BMP1: variants seen among roughly 807,000 people sequenced by gnomAD.
BMP1 encodes bone morphogenetic protein 1, also known as mammalian tolloid protein.
In BMP1, 63 loss-of-function variants were observed where a neutral mutation model predicts 116.8. The ratio of observed to expected loss-of-function variants is 0.54; its 90% confidence interval spans 0.44 to 0.67. The LOEUF (loss-of-function observed/expected upper bound fraction) is 0.67. Ranked by LOEUF, BMP1 falls within the 30% of genes least tolerant of loss-of-function variation. The pLI, the probability that BMP1 is intolerant of heterozygous loss-of-function variation, is 0.00. For missense variants in BMP1, 1,183 were observed against 1,358.9 expected, an observed-to-expected ratio of 0.87 and a Z score of 2.04; for synonymous variants, 536 against 533.4, an observed-to-expected ratio of 1.00 and a Z score of -0.07.
At chr8:22,201,229 T>C in intron 15 of BMP1, 1 of 1,600,162 alleles carries the variant, frequency 6.2e-7, no homozygotes, top group Non-Finnish European at 8.5e-7. Context: ...CCGGACCCCT[T>C]GTTACTCAGG....
At position 22,206,872 on chromosome 8, in the gene BMP1, T is replaced by A. The variant is rs1482304346; in HGVS notation, c.2252T>A (p.Val751Glu). The change falls in exon 17 of 20, where the codon GTG becomes GAG. Residue 751 changes from valine to glutamate, a missense_variant. Val to Glu is a moderately radical substitution (Grantham distance 121). Coordinates refer to ENST00000306385, the MANE Select transcript of BMP1 (RefSeq NM_006129.5). ...DCKEAGCDHK[V>E]TSTSGTITSP... ...CCTGCAGCCGGCTGTGACCACAAGG[T>A]GACATCCACCAGTGGTACCATCACC... 1 of 1,613,974 alleles carries A rather than the reference T, an allele frequency of 6.2e-7. No homozygotes were observed. Among genetic ancestry groups the A allele is most frequent in the Non-Finnish European group, 8.5e-7 (1 of 1,179,998 alleles).
chr8:22,201,964 G>A, intron 16 of BMP1, 36 bp downstream of exon 16: 1 of 1,587,178 alleles, frequency 6.3e-7, no homozygotes, highest in Non-Finnish European at 8.6e-7. Context: ...TGGGCTTGAA[G>A]GACCTGCTGC....
At chr8:22,188,788 G>A (rs538634788) in intron 8 of BMP1, among the ~76,000 whole-genome samples, 8 of 152,266 alleles carry the variant, frequency 5.3e-5, no homozygotes, top group Admixed American at 3.9e-4. Context: ...GGGTTCTGCC[G>A]GCTGGGCGTG....
rs758697565 is a variant in BMP1 at position 22,177,947 on chromosome 8, AC to A, written c.827del (p.Thr276AsnfsTer17). The stretch of plus-strand genomic sequence containing the variant: ...CAGCATCATGCATTACGCTCGGAAC[AC>A]ATTCTCCAGGTGGGAGACGGGATTG... ...FDSIMHYARN[T>X]FSRGIFLDTI... is the part of the protein sequence containing the mutation. On this transcript the variant is annotated frameshift_variant, in exon 6 of 20. Coordinates refer to ENST00000306385, the MANE Select transcript of BMP1 (RefSeq NM_006129.5). LOFTEE classifies it high-confidence loss of function. The A allele has an allele frequency of 6.2e-7, 1 of 1,609,274 alleles. No individual in the cohort carries two copies. The highest frequency in any genetic ancestry group is 8.5e-7 in the Non-Finnish European group (1 of 1,176,392).
Position 22,194,025 on chromosome 8 carries a change from T to C in BMP1, c.1181-33T>C. On this transcript the variant is annotated intron_variant, in intron 9 of 19. Transcript: ENST00000306385. The surrounding 1 kb of genome is among the most constrained non-coding windows in gnomAD (Gnocchi z 4.5). The stretch of plus-strand genomic sequence containing the variant: ...GCCTCTATAGGGGGTGTCCTCAGGG[T>C]TCACCACTCTTCCATCCACACTGTC... The C allele has an allele frequency of 6.4e-7, 1 of 1,574,722 alleles. No homozygotes were observed. Among genetic ancestry groups the C allele is most frequent in the Non-Finnish European group, 8.7e-7 (1 of 1,144,374 alleles).
intron 18 of BMP1, among the ~76,000 whole-genome samples, chr8:22,209,220 G>A (rs540515012): frequency 2.4e-4 from 37 of 152,282 alleles, no homozygotes; most frequent in African/African-American, 8.2e-4. Context: ...TCTTCCTCTC[G>A]GTGAGCCTCA....
Position 22,194,028 on chromosome 8 carries a change from A to G in BMP1, c.1181-30A>G, listed in dbSNP as rs908047943. On this transcript the variant is annotated intron_variant, in intron 9 of 19. Coordinates refer to ENST00000306385, the MANE Select transcript of BMP1 (RefSeq NM_006129.5). This position sits in a 1 kb window ranked among gnomAD's most constrained non-coding sequence, Gnocchi z 4.5. ...TCTATAGGGGGTGTCCTCAGGGTTCACCACTCTTCCATCCACACTGTCTGT... is the reference window on the plus strand; with the variant it reads ...TCTATAGGGGGTGTCCTCAGGGTTCGCCACTCTTCCATCCACACTGTCTGT... 1.3e-6 allele frequency: 2 copies of G among 1,590,472 alleles called. No homozygotes were observed. Among genetic ancestry groups the G allele is most frequent in the African/African-American group, 1.3e-5 (1 of 74,350 alleles).
chr8:22,179,664 T>C lies in BMP1; in HGVS notation c.837-41T>C. ...CATGCCACCCACTCCCTGCCCACTG[T>C]CCATGAGACGCTCACCCTTACTTTT... On this transcript the variant is annotated intron_variant, in intron 6 of 19. Transcript: ENST00000306385. This position sits in a 1 kb window ranked among gnomAD's most constrained non-coding sequence, Gnocchi z 4.6. 1.2e-6 allele frequency: 2 copies of C among 1,611,692 alleles called. No homozygotes were observed. The highest frequency in any genetic ancestry group is 1.7e-6 in the Non-Finnish European group (2 of 1,178,696).
intron 17 of BMP1, 107 bp downstream of exon 17, chr8:22,207,088 A>G: frequency 2.0e-6 from 3 of 1,524,680 alleles, no homozygotes; most frequent in Non-Finnish European, 2.7e-6. Context: ...TGCCATCCCC[A>G]GGAGACCCCA....
Position 22,209,705 on chromosome 8 carries a change from C to A in BMP1, c.2826+10C>A. 6.2e-7 allele frequency: 1 copy of A among 1,611,634 alleles called. No individual in the cohort carries two copies. The highest frequency in any genetic ancestry group is 8.5e-7 in the Non-Finnish European group (1 of 1,179,240). On this transcript the variant is annotated intron_variant, in intron 19 of 19. Transcript: ENST00000306385. ...CTACTGTGGCTCAGGGGTGAGGCCC[C>A]CACCCCTCGCCCTCCTGGCCCCATG...
At chr8:22,209,786 C>T in intron 19 of BMP1, 91 bp downstream of exon 19, 1 of 1,417,512 alleles carries the variant, frequency 7.1e-7, no homozygotes. Flanking sequence ...AGACCTAGCG[C>T]CCACACAGGC....
At chr8:22,209,292 A>G (rs965879490) in intron 18 of BMP1, among the ~76,000 whole-genome samples, 153 bp from the exon 19 acceptor site, 9 of 152,062 alleles carry the variant, frequency 5.9e-5, no homozygotes, top group African/African-American at 1.2e-4. Flanking sequence ...CAGCACAGCA[A>G]TGTTCTGGGC....
At chr8:22,191,934 C>T in intron 8 of BMP1, 115 bp from the exon 9 acceptor site, 1 of 890,670 alleles carries the variant, frequency 1.1e-6, no homozygotes, top group Non-Finnish European at 1.7e-6. Flanking sequence ...AGCCCCTTAA[C>T]TCTCGCCCAG....
Position 22,179,472 on chromosome 8 carries a change from A to C in BMP1, c.837-233A>C, listed in dbSNP as rs1193284339. On this transcript the variant is annotated intron_variant, in intron 6 of 19. Coordinates refer to ENST00000306385, the MANE Select transcript of BMP1 (RefSeq NM_006129.5). This position sits in a 1 kb window ranked among gnomAD's most constrained non-coding sequence, Gnocchi z 4.6. ...CTGGACCTGCATCCCTGACCTCCCA[A>C]AGTGTTCCTGGGGCTCCCCCGACTC... Among the ~76,000 whole-genome samples, 3 of 152,082 alleles carry C rather than the reference A, an allele frequency of 2.0e-5. No individual in the cohort carries two copies. The highest frequency in any genetic ancestry group is 2.9e-5 in the Non-Finnish European group (2 of 67,992).
At chr8:22,209,084 C>T (rs1829415253) in intron 18 of BMP1, among the ~76,000 whole-genome samples, 1 of 152,244 alleles carries the variant, frequency 6.6e-6, no homozygotes, top group Non-Finnish European at 1.5e-5. Context: ...TACGGCTTCT[C>T]TCTTGAAAAT....
intron 8 of BMP1, among the ~76,000 whole-genome samples, chr8:22,182,777 A>G (rs185456484): frequency 1.3e-5 from 2 of 152,314 alleles, no homozygotes; most frequent in African/African-American, 4.8e-5. Flanking sequence ...TCCTCCCAGC[A>G]CACACACCCC....
chr8:22,177,086 C>A lies in BMP1; in HGVS notation c.677C>A (p.Thr226Asn), dbSNP rs761804891. ...GHVVGFWHEHTRPDRDRHVSI... is the reference protein window; with the variant it reads ...GHVVGFWHEHNRPDRDRHVSI... The stretch of plus-strand genomic sequence containing the variant: ...GTCGTCGGCTTCTGGCACGAACACA[C>A]TCGGCCAGACCGGGACCGCCACGTT... The change falls in exon 5 of 20, where the codon ACT (threonine) becomes AAT (asparagine). Residue 226 changes from threonine to asparagine, a missense_variant. Around this residue, in one of 4 missense-constraint regions of BMP1, gnomAD observed 956 missense variants for 1,135.2 expected, o/e 0.84. Transcript: ENST00000306385. 6.2e-7 allele frequency: 1 copy of A among 1,612,170 alleles called. No individual in the cohort carries two copies. The highest frequency in any genetic ancestry group is 1.3e-5 in the African/African-American group (1 of 74,904).
At chr8:22,170,996 A>T (rs576145070) in intron 1 of BMP1, 1 of 152,152 alleles carries the variant, frequency 6.6e-6, no homozygotes, top group Non-Finnish European at 1.5e-5. Context: ...ATGCACATCT[A>T]CGTGAACTTT....
chr8:22,203,549 T>A (rs1455267470), intron 16 of BMP1, among the ~76,000 whole-genome samples: 9 of 152,032 alleles, frequency 5.9e-5, no homozygotes, highest in Admixed American at 5.9e-4. Flanking sequence ...AGAGCAAGAC[T>A]CCGTTTCAAA....
Sources: gnomAD v4.1 joint callset for allele counts (sites outside exome capture counted in the v4.1 genomes callset) on GRCh38, gnomAD v4.1.1 for gene constraint, gnomAD v4.1.1 regional missense constraint, Gnocchi (gnomAD v3.1) non-coding constraint, MANE v1.5 for transcripts, NCBI Gene and HGNC (gene_info 2026-07-23, HGNC 2026-07-21) for gene names.